The following SPIN1 variants were observed in gnomAD, a reference collection of about 807,000 sequenced individuals.
The protein encoded by SPIN1 is spindlin 1.
In SPIN1, 3 loss-of-function variants were observed where a neutral mutation model predicts 26.0. The observed-to-expected ratio is 0.12, with a 90% CI of 0.05 to 0.30. SPIN1 has a LOEUF of 0.30. Ranked by LOEUF, SPIN1 falls within the 10% of genes least tolerant of loss-of-function variation. SPIN1 has a pLI of 1.00. For missense variants in SPIN1, 126 were observed against 333.4 expected (o/e 0.38, Z 4.84); for synonymous variants, 101 against 116.5 (o/e 0.87, Z 0.86).
chr9:88,445,562 T>TATA (rs1554695914), intron 2 of SPIN1, among the ~76,000 whole-genome samples: 16 of 140,822 alleles, frequency 1.1e-4, no homozygotes, highest in East Asian at 2.0e-4. Flanking sequence ...TTATTATTAT[T>TATA]ATATTGAGAT....
chr9:88,424,038 G>GT (rs1202549644), intron 1 of SPIN1, among the ~76,000 whole-genome samples: 2 of 152,204 alleles, frequency 1.3e-5, no homozygotes, highest in Non-Finnish European at 2.9e-5. Context: ...AAGGTGTTGG[G>GT]TTTACAGGTG....
At chr9:88,458,218 A>T (rs1314916996) in intron 3 of SPIN1, among the ~76,000 whole-genome samples, 1 of 152,230 alleles carries the variant, frequency 6.6e-6, no homozygotes, top group African/African-American at 2.4e-5. Flanking sequence ...GGAAGAGAGG[A>T]AAGTGAGGAA....
chr9:88,395,485 C>T (rs1275087179), intron 1 of SPIN1, among the ~76,000 whole-genome samples: 3 of 151,980 alleles, frequency 2.0e-5, no homozygotes, highest in Admixed American at 6.6e-5. Context: ...ATAAATATTG[C>T]GGCAATGAAT....
chr9:88,411,088 A>G, intron 1 of SPIN1: 8 of 1,539,748 alleles, frequency 5.2e-6, no homozygotes, highest in Non-Finnish European at 7.1e-6. Flanking sequence ...AGAACTGTTT[A>G]AAATAATCTC....
chr9:88,462,373 A>C (rs765016428), intron 3 of SPIN1, 123 bp from the exon 4 acceptor site: 3 of 1,370,632 alleles, frequency 2.2e-6, no homozygotes. Flanking sequence ...GAATGTGGCA[A>C]ACATGAGTTT....
intron 1 of SPIN1, among the ~76,000 whole-genome samples, chr9:88,422,014 A>G (rs1456699055): frequency 6.6e-6 from 1 of 152,164 alleles, no homozygotes; most frequent in Non-Finnish European, 1.5e-5. Flanking sequence ...AATGATGCCA[A>G]ATTGTTTTAT....
intron 1 of SPIN1, among the ~76,000 whole-genome samples, chr9:88,423,233 A>G (rs913807375): frequency 6.6e-6 from 1 of 152,146 alleles, no homozygotes; most frequent in African/African-American, 2.4e-5. Flanking sequence ...GTAAGTTAAA[A>G]TTTTCATTTC....
chr9:88,414,030 C>CA (rs10635542), intron 1 of SPIN1, among the ~76,000 whole-genome samples: 35,984 of 141,684 alleles, frequency 0.25, 6,695 homozygotes, highest in African/African-American at 0.53. Context: ...TTTATTATAG[C>CA]AAAAAAAAAA....
In SPIN1 at chr9:88,447,104, T is replaced by C. The variant is rs1828265616; in HGVS notation, c.53-1837T>C. Among the ~76,000 whole-genome samples the C allele has an allele frequency of 2.0e-5, 3 of 152,212 alleles. No individual in the cohort carries two copies. The South Asian group carries it at 6.2e-4, about 31-fold the overall frequency. On this transcript the variant is annotated intron_variant, in intron 2 of 5. Transcript: ENST00000375859. Reference sequence around the variant, plus strand: ...CACTGAGGTTGTGCTCATTGTTTTCTTCCAGGTTTTTCTTTGTGTGCTATT... The same window carrying C: ...CACTGAGGTTGTGCTCATTGTTTTCCTCCAGGTTTTTCTTTGTGTGCTATT...
intron 1 of SPIN1, among the ~76,000 whole-genome samples, chr9:88,403,955 T>A (rs1427971856): frequency 6.6e-6 from 1 of 152,192 alleles, no homozygotes; most frequent in Non-Finnish European, 1.5e-5. Flanking sequence ...TTATAGAGCA[T>A]ACTTGCACAA....
At chr9:88,428,874 TTCTC>T (rs748972418) in intron 2 of SPIN1, among the ~76,000 whole-genome samples, 1 of 152,164 alleles carries the variant, frequency 6.6e-6, no homozygotes, top group South Asian at 2.1e-4. Context: ...TTCTTGCCTA[TTCTC>T]TCTTTCTTTT....
chr9:88,411,121 T>G, intron 1 of SPIN1: 3 of 1,517,282 alleles, frequency 2.0e-6, no homozygotes, highest in Non-Finnish European at 9.0e-7. Context: ...CTTTAGTGTC[T>G]TCTTTAATGC....
intron 1 of SPIN1, among the ~76,000 whole-genome samples, chr9:88,390,178 T>G (rs1032520274): frequency 3.3e-5 from 5 of 152,220 alleles, no homozygotes; most frequent in African/African-American, 1.2e-4. Context: ...TCTTCAGTCA[T>G]CTTTCTATGC....
rs749192433 is a variant in SPIN1 at position 88,396,389 on chromosome 9, G to A, written c.-159+7851G>A. ...GGCTGAGGTGGGCGGATTACCTGAA[G>A]CTGGGAGTTTGAGGCCAGCCTGGCC... On this transcript the variant is annotated intron_variant, in intron 1 of 5. Coordinates refer to ENST00000375859, the MANE Select transcript of SPIN1 (RefSeq NM_006717.3). 1.8e-4 allele frequency among the ~76,000 whole-genome samples: 27 copies of A among 151,976 alleles called. 1 individual carries two copies. The highest frequency in any genetic ancestry group is 3.4e-4 in the Non-Finnish European group (23 of 67,996).
chr9:88,463,442 T>C (rs966959485), intron 4 of SPIN1, among the ~76,000 whole-genome samples: 13 of 152,258 alleles, frequency 8.5e-5, no homozygotes, highest in African/African-American at 2.9e-4. Context: ...GTTTAAAATA[T>C]TGGTTTATAC....
At position 88,451,150 on chromosome 9, in the gene SPIN1, A is replaced by G. The variant is rs934424570; in HGVS notation, c.101+2161A>G. Among the ~76,000 whole-genome samples the G allele has an allele frequency of 1.6e-4, 24 of 152,074 alleles. 1 individual carries two copies. Among genetic ancestry groups the G allele is most frequent in the African/African-American group, 5.5e-4 (23 of 41,504 alleles). On this transcript the variant is annotated intron_variant, in intron 3 of 5. Transcript: ENST00000375859. ...GAACTATAGCATCCCTCTCCCCTTC[A>G]CTTTTTCCACTTCTGACTCAACGGG...
At chr9:88,394,360 G>A (rs778030450) in intron 1 of SPIN1, among the ~76,000 whole-genome samples, 5 of 152,048 alleles carry the variant, frequency 3.3e-5, no homozygotes, top group Non-Finnish European at 5.9e-5. Context: ...GCTTTATTGA[G>A]GATTAGAATT....
At chr9:88,466,902 AT>A (rs1469657178) in intron 4 of SPIN1, among the ~76,000 whole-genome samples, 2 of 151,754 alleles carry the variant, frequency 1.3e-5, no homozygotes, top group African/African-American at 4.8e-5. Context: ...CACCTGGCTA[AT>A]TTTTTGTATT....
chr9:88,391,412 GCTAT>G (rs1564018967), intron 1 of SPIN1: 5 of 171,082 alleles, frequency 2.9e-5, no homozygotes, highest in South Asian at 1.5e-4. Context: ...GCATTCTCAG[GCTAT>G]CTATGATAAC....
Sources: allele counts gnomAD v4.1 joint callset (sites outside exome capture counted in the v4.1 genomes callset), GRCh38; gene constraint gnomAD v4.1.1; transcripts MANE v1.5; gene names NCBI Gene and HGNC (gene_info 2026-07-23, HGNC 2026-07-21).